AZIN2: variants seen among roughly 807,000 people sequenced by gnomAD.
AZIN2 encodes ODC antizyme inhibitor-2.
A neutral mutation model predicts 47.8 loss-of-function variants in AZIN2; 28 were observed. The observed-to-expected ratio is 0.59, with a 90% CI of 0.43 to 0.80. The LOEUF (loss-of-function observed/expected upper bound fraction) is 0.80, where lower values mean the gene tolerates loss of function less well. Among genes scored for constraint, AZIN2 ranks in the 30% least tolerant of loss-of-function variants. AZIN2 has a pLI of 0.00. For synonymous variants in AZIN2, 221 were observed against 239.4 expected (o/e 0.92, Z 0.71); for missense variants, 535 against 582.5 (o/e 0.92, Z 0.84).
At chr1:33,093,242 C>A in intron 6 of AZIN2, 40 bp from the exon 7 acceptor site, 1 of 1,609,214 alleles carries the variant, frequency 6.2e-7, no homozygotes, top group South Asian at 1.1e-5. Flanking sequence ...GGTGGGGCGA[C>A]AGGGTTTGTC....
At chr1:33,108,601 C>T (rs753418865) in intron 10 of AZIN2, among the ~76,000 whole-genome samples, 1 of 152,166 alleles carries the variant, frequency 6.6e-6, no homozygotes, top group Admixed American at 6.5e-5. Context: ...CCTTGGCCTC[C>T]CAGAGTGCTG....
At chr1:33,125,825 A>G (rs577352926), downstream of AZIN2, among the ~76,000 whole-genome samples, 1 of 152,106 alleles carries the variant, frequency 6.6e-6, no homozygotes, top group East Asian at 1.9e-4. Flanking sequence ...TCATCCCTTC[A>G]GGTCTTTGCT....
Position 33,082,897 on chromosome 1 carries a change from C to G in AZIN2, c.105+543C>G, listed in dbSNP as rs570889679. The G allele has an allele frequency of 9.8e-5, 15 of 153,620 alleles. No individual in the cohort carries two copies. In the South Asian group the frequency reaches 3.0e-3, roughly 31 times the overall value. The allele number at this position is 153,620 out of a possible 1,614,324, so 9.5% of individuals were successfully genotyped here. A position where few individuals can be genotyped will look rare whatever the true frequency, so the allele number is the denominator to read the frequency against. ...TATGCTCCTTCGGAGCTGAATGACT[C>G]AATTTGCATTTCCCAATGATGCTGT... On this transcript the variant is annotated intron_variant, in intron 4 of 11. Coordinates refer to ENST00000294517, the MANE Select transcript of AZIN2 (RefSeq NM_052998.4).
the AZIN2 span, chr1:33,147,427 T>C: frequency 6.2e-7 from 1 of 1,614,070 alleles, no homozygotes; most frequent in Non-Finnish European, 8.5e-7. The surrounding 1 kb of genome is among the most constrained non-coding windows in gnomAD (Gnocchi z 8.1). Flanking sequence ...CTGGTTGCCA[T>C]CGTGCATCAC....
chr1:33,121,537 C>G lies in AZIN2; in HGVS notation c.*1355C>G, dbSNP rs903336153. Among the ~76,000 whole-genome samples the G allele has an allele frequency of 6.6e-6, 1 of 152,126 alleles. No individual in the cohort carries two copies. The highest frequency in any genetic ancestry group is 1.5e-5 in the Non-Finnish European group (1 of 68,022). On this transcript the variant is annotated 3_prime_UTR_variant, in exon 12 of 12. Transcript: ENST00000294517. ...AGGTTGCAGTGAGCCGAGATTGCAC[C>G]ACTGCACTCCAGCCTGGGCGACTGA...
downstream of AZIN2, among the ~76,000 whole-genome samples, chr1:33,126,271 C>T (rs1250985668): frequency 6.6e-6 from 1 of 152,104 alleles, no homozygotes; most frequent in Non-Finnish European, 1.5e-5. Flanking sequence ...CTTTCTCTTA[C>T]TTTCTATTCC....
At chr1:33,105,745 T>G (rs1643971331) in intron 10 of AZIN2, among the ~76,000 whole-genome samples, 1 of 152,132 alleles carries the variant, frequency 6.6e-6, no homozygotes, top group Non-Finnish European at 1.5e-5. Flanking sequence ...ACCATATCAG[T>G]GTGTAAAGAT....
the AZIN2 span, among the ~76,000 whole-genome samples, chr1:33,153,793 G>A: frequency 1.3e-5 from 2 of 152,176 alleles, no homozygotes; most frequent in African/African-American, 4.8e-5. Flanking sequence ...TTATTGAGGC[G>A]CTATTCTAGA....
At chr1:33,144,431 C>T in the AZIN2 span, among the ~76,000 whole-genome samples, 1 of 152,190 alleles carries the variant, frequency 6.6e-6, no homozygotes, top group Non-Finnish European at 1.5e-5. Context: ...AGCCACTGCG[C>T]CCGGTGGCTT....
At chr1:33,131,384 C>T in the AZIN2 span, among the ~76,000 whole-genome samples, 2 of 152,164 alleles carry the variant, frequency 1.3e-5, no homozygotes, top group Non-Finnish European at 2.9e-5. Context: ...TTTAGCCACT[C>T]CTGCAGGGCT....
chr1:33,120,356 C>T lies in AZIN2; in HGVS notation c.*174C>T, dbSNP rs895951136. 1.2e-4 allele frequency: 103 copies of T among 849,338 alleles called. No homozygotes were observed. The highest frequency in any genetic ancestry group is 6.9e-4 in the Middle Eastern group (2 of 2,892). 52.6% of individuals were successfully genotyped at this position (849,338 alleles called of 1,614,324 possible). A position where few individuals can be genotyped will look rare whatever the true frequency, so the allele number is the denominator to read the frequency against. On this transcript the variant is annotated 3_prime_UTR_variant, in exon 12 of 12. Coordinates refer to ENST00000294517, the MANE Select transcript of AZIN2 (RefSeq NM_052998.4). Reference sequence around the variant, plus strand: ...GTAAATAGGACCAGTCTTACACTCGCTGTAGTTCAAGTATGCAACATAAAT... The same window carrying T: ...GTAAATAGGACCAGTCTTACACTCGTTGTAGTTCAAGTATGCAACATAAAT...
At chr1:33,119,944 GCTCACGTGAGAGCCCT>G (rs1644741036) in intron 11 of AZIN2, 84 bp from the exon 12 acceptor site, 1 of 1,528,140 alleles carries the variant, frequency 6.5e-7, no homozygotes, top group African/African-American at 1.4e-5. Flanking sequence ...CTGAGCTCGG[GCTCACGTGAGAGCCCT>G]CTGCCCAATG....
At chr1:33,093,239 C>G (rs775545446) in intron 6 of AZIN2, 43 bp from the exon 7 acceptor site, 2 of 1,607,276 alleles carry the variant, frequency 1.2e-6, no homozygotes. Context: ...TGGGGTGGGG[C>G]GACAGGGTTT....
the AZIN2 span, among the ~76,000 whole-genome samples, chr1:33,161,252 A>T: frequency 6.6e-6 from 1 of 152,136 alleles, no homozygotes. This position sits in a 1 kb window ranked among gnomAD's most constrained non-coding sequence, Gnocchi z 4.3. Flanking sequence ...CCGGGGCCTG[A>T]GGGATGGGCA....
chr1:33,113,309 C>G lies in AZIN2; in HGVS notation c.1030-4593C>G, dbSNP rs1040417730. ...TATTGTTTTATTTGAATAAGTATTACTGTGGCCCAAGTACATCCAAGAATG... is the reference window on the plus strand; with the variant it reads ...TATTGTTTTATTTGAATAAGTATTAGTGTGGCCCAAGTACATCCAAGAATG... On this transcript the variant is annotated intron_variant, in intron 10 of 11. Coordinates refer to ENST00000294517, the MANE Select transcript of AZIN2 (RefSeq NM_052998.4). This position sits in a 1 kb window ranked among gnomAD's most constrained non-coding sequence, Gnocchi z 4.1. 3.9e-5 allele frequency among the ~76,000 whole-genome samples: 6 copies of G among 152,184 alleles called. No homozygotes were observed. Among genetic ancestry groups the G allele is most frequent in the African/African-American group, 1.2e-4 (5 of 41,442 alleles).
the AZIN2 span, among the ~76,000 whole-genome samples, chr1:33,140,926 G>C: frequency 6.6e-6 from 1 of 152,196 alleles, no homozygotes; most frequent in Non-Finnish European, 1.5e-5. The surrounding 1 kb of genome is among the most constrained non-coding windows in gnomAD (Gnocchi z 4.0). Flanking sequence ...GGAGACACCA[G>C]AATCCACAAG....
intron 10 of AZIN2, among the ~76,000 whole-genome samples, chr1:33,115,034 GCT>G (rs903462111): frequency 6.6e-6 from 1 of 152,148 alleles, no homozygotes; most frequent in Non-Finnish European, 1.5e-5. Context: ...TTTTTCTGTG[GCT>G]CTGTCAGACA....
Position 33,096,767 on chromosome 1 carries a change from A to G in AZIN2, c.814A>G (p.Ile272Val), listed in dbSNP as rs1643199007. 1.2e-6 allele frequency: 2 copies of G among 1,614,216 alleles called. No individual in the cohort carries two copies. Among genetic ancestry groups the G allele is most frequent in the Non-Finnish European group, 8.5e-7 (1 of 1,180,034 alleles). Residue 272 changes from isoleucine to valine, a missense_variant, in exon 9 of 12, where the codon ATC becomes GTC. Coordinates refer to ENST00000294517, the MANE Select transcript of AZIN2 (RefSeq NM_052998.4). ...LYFPEGCGVDIFAELGRYYVT... is the reference protein window; with the variant it reads ...LYFPEGCGVDVFAELGRYYVT... ...CTTCCCAGAGGGCTGTGGCGTGGAC[A>G]TCTTTGCTGAGCTGGGGCGCTACTA...
At chr1:33,098,780 T>C (rs1294365921) in intron 10 of AZIN2, among the ~76,000 whole-genome samples, 1 of 152,102 alleles carries the variant, frequency 6.6e-6, no homozygotes, top group Non-Finnish European at 1.5e-5. Flanking sequence ...CTTTTTTTTT[T>C]TGAGATGGAG....
Sources: gnomAD v4.1 joint callset for allele counts (sites outside exome capture counted in the v4.1 genomes callset) on GRCh38, gnomAD v4.1.1 for gene constraint, Gnocchi (gnomAD v3.1) non-coding constraint, MANE v1.5 for transcripts, NCBI Gene and HGNC (gene_info 2026-07-23, HGNC 2026-07-21) for gene names.